The following NYAP2 variants were observed in gnomAD, a reference collection of about 807,000 sequenced individuals.
The protein encoded by NYAP2 is neuronal tyrosine-phosphorylated phosphoinositide-3-kinase adaptor 2, also known as neuronal tyrosine-phosphorylated phosphoinositide-3-kinase adapter 2.
Under a neutral mutation model 50.4 loss-of-function variants are expected in NYAP2, and 23 were observed. That is an observed-to-expected ratio of 0.46 (90% CI 0.33 to 0.65). The LOEUF is 0.65. NYAP2 is among the 30% of genes least tolerant of loss of function. The pLI is 0.02. For synonymous variants in NYAP2, 394 were observed against 365.2 expected (o/e 1.08, Z -0.90); for missense variants, 885 against 861.0 (o/e 1.03, Z -0.35).
intron 5 of NYAP2, among the ~76,000 whole-genome samples, chr2:225,614,954 G>A (rs1487444980): frequency 6.6e-6 from 1 of 152,158 alleles, no homozygotes; most frequent in Non-Finnish European, 1.5e-5. Context: ...TGAAAGATGG[G>A]CTACTCTTCC....
At chr2:225,418,325 A>T (rs183958544) in intron 3 of NYAP2, among the ~76,000 whole-genome samples, 1 of 152,256 alleles carries the variant, frequency 6.6e-6, no homozygotes, top group East Asian at 1.9e-4. Context: ...TCTTGTGAGG[A>T]CATGGAGGTT....
At chr2:225,428,512 G>A (rs980201122) in intron 3 of NYAP2, among the ~76,000 whole-genome samples, 4 of 152,282 alleles carry the variant, frequency 2.6e-5, no homozygotes, top group Admixed American at 2.0e-4. Flanking sequence ...GCATGAAATT[G>A]CCCTCAAGGC....
At chr2:225,487,600 T>C (rs1219377121) in intron 3 of NYAP2, among the ~76,000 whole-genome samples, 3 of 152,082 alleles carry the variant, frequency 2.0e-5, no homozygotes, top group Non-Finnish European at 4.4e-5. Context: ...CCTCAAGTGA[T>C]CCAACTGCTT....
At chr2:225,407,047 G>GT in intron 2 of NYAP2, among the ~76,000 whole-genome samples, 1 of 152,136 alleles carries the variant, frequency 6.6e-6, no homozygotes. Flanking sequence ...TAGAATTCTT[G>GT]TAATAGTGAC....
At chr2:225,531,959 A>G (rs1460032431) in intron 4 of NYAP2, among the ~76,000 whole-genome samples, 2 of 152,208 alleles carry the variant, frequency 1.3e-5, no homozygotes, top group Non-Finnish European at 2.9e-5. Flanking sequence ...GGCACCATGT[A>G]TCTTTTACTT....
At chr2:225,460,948 G>A (rs796271126) in intron 3 of NYAP2, among the ~76,000 whole-genome samples, 8 of 140,230 alleles carry the variant, frequency 5.7e-5, no homozygotes, top group South Asian at 2.2e-4. Context: ...AGCCGAAATC[G>A]CGCCACTGCA....
the NYAP2 span, among the ~76,000 whole-genome samples, chr2:225,660,876 A>T: frequency 6.6e-6 from 1 of 152,164 alleles, no homozygotes; most frequent in Non-Finnish European, 1.5e-5. Context: ...TTTAAAAATA[A>T]TACTTAGGGG....
rs554488470 is a variant in NYAP2, at chr2:225,418,593, A to G, written c.221+9492A>G. Among the ~76,000 whole-genome samples the G allele has an allele frequency of 2.0e-5, 3 of 152,298 alleles. No individual in the cohort carries two copies. In the East Asian group the frequency reaches 5.8e-4, roughly 29 times the overall value. On this transcript the variant is annotated intron_variant, in intron 3 of 6. Coordinates refer to ENST00000636099, the Ensembl canonical transcript of NYAP2. The stretch of plus-strand genomic sequence containing the variant: ...AGCAAAAAGGATGGTGTTTCCATTA[A>G]CTGAGATGGGGAAGATGGCAGAAGA...
the NYAP2 span, among the ~76,000 whole-genome samples, chr2:225,672,957 GA>G: frequency 1.3e-5 from 2 of 151,638 alleles, no homozygotes; most frequent in African/African-American, 2.4e-5. Flanking sequence ...ACCATAAACA[GA>G]TATAATGTTT....
intron 4 of NYAP2, among the ~76,000 whole-genome samples, chr2:225,574,348 G>GT (rs1274056631): frequency 6.6e-6 from 1 of 152,144 alleles, no homozygotes; most frequent in Non-Finnish European, 1.5e-5. Context: ...CAATTCAGAA[G>GT]TTCAGTTAGA....
At chr2:225,491,225 G>C (rs1010741514) in intron 3 of NYAP2, among the ~76,000 whole-genome samples, 2 of 152,234 alleles carry the variant, frequency 1.3e-5, no homozygotes, top group African/African-American at 4.8e-5. Flanking sequence ...TGAGCAATAA[G>C]TGATACATTA....
At chr2:225,469,888 A>G (rs184267492) in intron 3 of NYAP2, among the ~76,000 whole-genome samples, 8 of 152,260 alleles carry the variant, frequency 5.3e-5, no homozygotes, top group Admixed American at 5.2e-4. Flanking sequence ...ATTAGGAGAA[A>G]TACCTAATGT....
exon 4 of NYAP2, chr2:225,513,525 G>T (rs61752215): frequency 3.1e-6 from 5 of 1,613,558 alleles, no homozygotes; most frequent in Non-Finnish European, 3.4e-6. Context: ...CTCGGTTGGG[G>T]GCACAGACGA....
chr2:225,470,730 T>A (rs1259223724), intron 3 of NYAP2, among the ~76,000 whole-genome samples: 1 of 152,160 alleles, frequency 6.6e-6, no homozygotes, highest in Non-Finnish European at 1.5e-5. Context: ...GAACACATGA[T>A]TGCATTGGCT....
chr2:225,668,405 A>G, the NYAP2 span, among the ~76,000 whole-genome samples: 1 of 151,958 alleles, frequency 6.6e-6, no homozygotes, highest in Non-Finnish European at 1.5e-5. Flanking sequence ...TACTCTATAT[A>G]CTCTGCGTAC....
chr2:225,629,209 T>C (rs1258866833), intron 6 of NYAP2, among the ~76,000 whole-genome samples: 2 of 152,142 alleles, frequency 1.3e-5, no homozygotes, highest in Non-Finnish European at 2.9e-5. Flanking sequence ...AGAATGCAGA[T>C]GTCCAAGTGC....
chr2:225,527,755 G>A (rs1008394311), intron 4 of NYAP2, among the ~76,000 whole-genome samples: 7 of 151,996 alleles, frequency 4.6e-5, no homozygotes, highest in Admixed American at 6.6e-5. Flanking sequence ...TCAAGCAATC[G>A]TCCCACCTCA....
chr2:225,631,402 A>G (rs1427169711), intron 6 of NYAP2, among the ~76,000 whole-genome samples: 1 of 152,172 alleles, frequency 6.6e-6, no homozygotes, highest in African/African-American at 2.4e-5. Flanking sequence ...AATGACATAC[A>G]TATTTTTAGT....
intron 3 of NYAP2, among the ~76,000 whole-genome samples, chr2:225,447,260 A>G (rs79156204): frequency 0.02 from 3,029 of 152,212 alleles, 96 homozygotes; most frequent in African/African-American, 0.067. Context: ...ATTAGACCCC[A>G]TTGTTCTTTG....
Sources: gnomAD v4.1 joint callset for allele counts (sites outside exome capture counted in the v4.1 genomes callset) on GRCh38, gnomAD v4.1.1 for gene constraint, MANE v1.5 for transcripts, NCBI Gene and HGNC (gene_info 2026-07-23, HGNC 2026-07-21) for gene names.